The following MARCHF6 variants were observed in gnomAD, a reference collection of about 807,000 sequenced individuals.
MARCHF6 encodes E3 ubiquitin-protein ligase MARCHF6.
MARCHF6 carries 31 observed loss-of-function variants against 133.7 expected under a neutral mutation model. The ratio of observed to expected loss-of-function variants is 0.23; its 90% CI spans 0.17 to 0.31. The LOEUF is 0.31. Ranked by LOEUF, MARCHF6 falls within the 10% of genes least tolerant of loss-of-function variation. MARCHF6 has a pLI of 1.00. For missense variants in MARCHF6, 723 were observed against 1,121.6 expected (o/e 0.64, Z 5.08); for synonymous variants, 395 against 402.5 (o/e 0.98, Z 0.22).
chr5:10,376,979 G>A (rs1245747429), intron 1 of MARCHF6, among the ~76,000 whole-genome samples: 1 of 152,138 alleles, frequency 6.6e-6, no homozygotes, highest in African/African-American at 2.4e-5. Flanking sequence ...AGCTGAGAAC[G>A]GTCTAAAATA....
At position 10,405,538 on chromosome 5, in the gene MARCHF6, T is replaced by C. The variant is rs1738834813; in HGVS notation, c.1333-20T>C. 1 of 1,576,498 alleles carries C rather than the reference T, an allele frequency of 6.3e-7. No homozygotes were observed. The highest frequency in any genetic ancestry group is 8.6e-7 in the Non-Finnish European group (1 of 1,166,070). ...TGAAGACATTGGTGAATATTCATAG[T>C]ATTTAAAATATATTTGCAGGTACTT... On this transcript the variant is annotated intron_variant, in intron 15 of 25. Coordinates refer to ENST00000274140, the MANE Select transcript of MARCHF6 (RefSeq NM_005885.4).
At chr5:10,399,306 CG>C (rs1738376613) in intron 10 of MARCHF6, among the ~76,000 whole-genome samples, 1 of 151,578 alleles carries the variant, frequency 6.6e-6, no homozygotes, top group Admixed American at 6.6e-5. Context: ...TAAACTAATA[CG>C]TATATATAAT....
intron 25 of MARCHF6, among the ~76,000 whole-genome samples, chr5:10,431,626 A>T (rs372010468): frequency 6.7e-6 from 1 of 148,388 alleles, no homozygotes; most frequent in Admixed American, 6.7e-5. Flanking sequence ...AGAGTGAGTG[A>T]GTGTGTGTGT....
intron 7 of MARCHF6, among the ~76,000 whole-genome samples, chr5:10,393,583 A>C (rs753665106): frequency 6.6e-6 from 1 of 152,162 alleles, no homozygotes; most frequent in Non-Finnish European, 1.5e-5. Flanking sequence ...GCTCCTAACT[A>C]TTCTTTCTCC....
chr5:10,416,151 C>T (rs1485856963), intron 21 of MARCHF6, among the ~76,000 whole-genome samples: 2 of 152,076 alleles, frequency 1.3e-5, no homozygotes, highest in East Asian at 3.8e-4. Flanking sequence ...CATTATTGCT[C>T]TCAGTAACAC....
intron 1 of MARCHF6, among the ~76,000 whole-genome samples, chr5:10,355,656 G>A (rs367812153): frequency 1.3e-5 from 2 of 152,224 alleles, no homozygotes; most frequent in East Asian, 1.9e-4. Flanking sequence ...CGTGTAGTAT[G>A]TGCTTTACTA....
chr5:10,425,495 A>G (rs797009794), intron 23 of MARCHF6, among the ~76,000 whole-genome samples: 3 of 152,362 alleles, frequency 2.0e-5, no homozygotes, highest in African/African-American at 7.2e-5. Context: ...TAAATTTAAG[A>G]AAAATGGTTG....
intron 1 of MARCHF6, among the ~76,000 whole-genome samples, chr5:10,362,219 G>A (rs763804337): frequency 6.6e-6 from 1 of 152,134 alleles, no homozygotes; most frequent in Non-Finnish European, 1.5e-5. Flanking sequence ...ATAGAATATT[G>A]GAGATTCCAT....
At chr5:10,422,692 C>A (rs1739886254) in intron 22 of MARCHF6, among the ~76,000 whole-genome samples, 1 of 145,548 alleles carries the variant, frequency 6.9e-6, no homozygotes, top group South Asian at 2.1e-4. Flanking sequence ...GAAGAAGATC[C>A]TTAGAATAAC....
intron 5 of MARCHF6, among the ~76,000 whole-genome samples, chr5:10,389,347 A>G (rs75459617): frequency 0.033 from 4,987 of 152,274 alleles, 267 homozygotes; most frequent in African/African-American, 0.11. Flanking sequence ...TTGAGAAACT[A>G]ATACACTTTT....
intron 12 of MARCHF6, 119 bp from the exon 13 acceptor site, chr5:10,402,265 C>T (rs776538874): frequency 9.0e-7 from 1 of 1,116,952 alleles, no homozygotes; most frequent in Non-Finnish European, 1.3e-6. Flanking sequence ...CAGTAAGGGT[C>T]AGTGTGGACA....
intron 22 of MARCHF6, among the ~76,000 whole-genome samples, chr5:10,417,836 A>G (rs1176221034): frequency 6.6e-6 from 1 of 151,936 alleles, no homozygotes; most frequent in Non-Finnish European, 1.5e-5. Flanking sequence ...GAACTCTTAT[A>G]AAATTGTTTA....
intron 1 of MARCHF6, among the ~76,000 whole-genome samples, chr5:10,366,867 A>G (rs1736167586): frequency 1.3e-5 from 2 of 152,212 alleles, no homozygotes; most frequent in South Asian, 4.1e-4. Flanking sequence ...CAGTTTGCCA[A>G]CATTCTGCGT....
At chr5:10,400,671 C>T in intron 10 of MARCHF6, 113 bp from the exon 11 acceptor site, 2 of 787,574 alleles carry the variant, frequency 2.5e-6, no homozygotes, top group Non-Finnish European at 4.4e-6. Context: ...TAGCCTAGTT[C>T]TGGAATCTTT....
intron 4 of MARCHF6, among the ~76,000 whole-genome samples, chr5:10,382,588 G>A (rs985597470): frequency 6.6e-6 from 1 of 152,168 alleles, no homozygotes; most frequent in African/African-American, 2.4e-5. Context: ...AGCACTTTGG[G>A]AGGCCGAGGT....
rs763813722 is a variant in MARCHF6, at chr5:10,415,508, A to G, written c.1987A>G (p.Met663Val). The stretch of plus-strand genomic sequence containing the variant: ...TTCAGTATTTGCTGGCCGTTGGTTA[A>G]TGTCGTTTTGGACGGGGACTGCCAA... ...TLPVFAGRWL[M>V]SFWTGTAKIH... Residue 663 changes from methionine (M) to valine (V), a missense_variant, in exon 21 of 26, where the codon ATG (methionine) becomes GTG (valine). Met to Val is a conservative substitution (Grantham distance 21). Coordinates refer to ENST00000274140, the MANE Select transcript of MARCHF6 (RefSeq NM_005885.4). The G allele has an allele frequency of 3.7e-6, 6 of 1,613,330 alleles. No individual in the cohort carries two copies. In the South Asian group the frequency reaches 6.6e-5, roughly 18 times the overall value.
chr5:10,401,941 C>A (rs991846900), intron 11 of MARCHF6, 118 bp from the exon 12 acceptor site: 2 of 656,074 alleles, frequency 3.0e-6, no homozygotes, highest in Non-Finnish European at 5.4e-6. Context: ...CAGTTGTTTC[C>A]TGGTTATAAA....
At chr5:10,375,637 G>A (rs977798206) in intron 1 of MARCHF6, among the ~76,000 whole-genome samples, 18 of 152,242 alleles carry the variant, frequency 1.2e-4, no homozygotes, top group Admixed American at 8.5e-4. Context: ...TGGTGGGGAC[G>A]TGGAGAGTCT....
chr5:10,397,247 A>T (rs1579577175), intron 9 of MARCHF6, 46 bp from the exon 10 acceptor site: 3 of 1,364,180 alleles, frequency 2.2e-6, no homozygotes, highest in Non-Finnish European at 3.0e-6. Context: ...TTAAACATAC[A>T]TTAAGTATGA....
Sources: allele counts gnomAD v4.1 joint callset (sites outside exome capture counted in the v4.1 genomes callset), GRCh38; gene constraint gnomAD v4.1.1; transcripts MANE v1.5; gene names NCBI Gene and HGNC (gene_info 2026-07-23, HGNC 2026-07-21).